KCND2: variants seen among roughly 807,000 people sequenced by gnomAD.
The protein encoded by KCND2 is A-type voltage-gated potassium channel KCND2.
Under a neutral mutation model 54.4 loss-of-function variants are expected in KCND2, and 16 were observed. That is an observed-to-expected ratio of 0.29 (90% CI 0.20 to 0.45). The LOEUF (loss-of-function observed/expected upper bound fraction) is 0.45. Among genes scored for constraint, KCND2 ranks in the 20% least tolerant of loss-of-function variants. The probability of loss-of-function intolerance (pLI) is 1.00; values close to 1 mark genes in which losing one functional copy is unlikely to be tolerated. For missense variants in KCND2, 486 were observed against 824.2 expected, an observed-to-expected ratio of 0.59 and a Z score of 5.02; for synonymous variants, 317 against 310.7, an observed-to-expected ratio of 1.02 and a Z score of -0.21.
chr7:120,594,730 C>T (rs10277086), intron 1 of KCND2, among the ~76,000 whole-genome samples: 5 of 152,042 alleles, frequency 3.3e-5, no homozygotes, highest in Admixed American at 6.5e-5. Context: ...GCATTCATTA[C>T]GAGACTGGAA....
chr7:120,666,727 C>T (rs1791932082), intron 1 of KCND2, among the ~76,000 whole-genome samples: 1 of 151,954 alleles, frequency 6.6e-6, no homozygotes, highest in Non-Finnish European at 1.5e-5. Context: ...AACCACTAGG[C>T]TCCTCCACTG....
intron 1 of KCND2, among the ~76,000 whole-genome samples, chr7:120,394,289 G>C (rs1020948963): frequency 6.6e-6 from 1 of 151,930 alleles, no homozygotes; most frequent in South Asian, 2.1e-4. Flanking sequence ...GGCTGGGGAT[G>C]CAATCATAGG....
chr7:120,361,647 C>T (rs1800594179), intron 1 of KCND2, among the ~76,000 whole-genome samples: 1 of 151,882 alleles, frequency 6.6e-6, no homozygotes, highest in Admixed American at 6.6e-5. Flanking sequence ...AAGGAGAAGG[C>T]CATGATAGAA....
At chr7:120,611,696 G>C (rs1322506164) in intron 1 of KCND2, among the ~76,000 whole-genome samples, 1 of 152,164 alleles carries the variant, frequency 6.6e-6, no homozygotes, top group Non-Finnish European at 1.5e-5. Context: ...CCACGATGAA[G>C]TGAAAAATGG....
At chr7:120,644,958 T>C (rs1793420199) in intron 1 of KCND2, among the ~76,000 whole-genome samples, 1 of 152,224 alleles carries the variant, frequency 6.6e-6, no homozygotes, top group Non-Finnish European at 1.5e-5. Flanking sequence ...TTTTTTTTCC[T>C]ATGAAGTTTT....
At position 120,392,768 on chromosome 7, in the gene KCND2, G is replaced by A. The variant is rs1056349502; in HGVS notation, c.1115+117021G>A. ...TGCTGCCGCCATGTTTGTGCTATAA[G>A]TAGTTAGTTTCCAGGCACAGGGCTA... On this transcript the variant is annotated intron_variant, in intron 1 of 5. Coordinates refer to ENST00000331113, the MANE Select transcript of KCND2 (RefSeq NM_012281.3). Among the ~76,000 whole-genome samples the A allele has an allele frequency of 4.6e-5, 7 of 151,848 alleles. No individual in the cohort carries two copies. The Admixed American group carries it at 4.6e-4, about 10-fold the overall frequency.
chr7:120,530,078 AAAAAT>A (rs1791824175), intron 1 of KCND2, among the ~76,000 whole-genome samples: 1 of 152,150 alleles, frequency 6.6e-6, no homozygotes, highest in African/African-American at 2.4e-5. Context: ...CTTGTCTCAA[AAAAAT>A]AAAAGAGAGA....
At chr7:120,718,002 G>T (rs1218216639) in intron 1 of KCND2, among the ~76,000 whole-genome samples, 1 of 152,004 alleles carries the variant, frequency 6.6e-6, no homozygotes. Flanking sequence ...TTACATAAGT[G>T]GTAGGCAGCA....
intron 1 of KCND2, among the ~76,000 whole-genome samples, chr7:120,437,922 T>C (rs1452796260): frequency 6.6e-6 from 1 of 152,222 alleles, no homozygotes; most frequent in African/African-American, 2.4e-5. Context: ...TGGATGATGC[T>C]CCCTAAAAAC....
intron 1 of KCND2, among the ~76,000 whole-genome samples, chr7:120,370,270 G>A (rs1330822144): frequency 6.6e-6 from 1 of 151,946 alleles, no homozygotes; most frequent in Non-Finnish European, 1.5e-5. Context: ...TAGCAAGAGA[G>A]GAAATCAGAA....
At chr7:120,491,379 A>G (rs1255342884) in intron 1 of KCND2, among the ~76,000 whole-genome samples, 1 of 152,156 alleles carries the variant, frequency 6.6e-6, no homozygotes. Flanking sequence ...ATGTATGATT[A>G]TAGGAATTAT....
chr7:120,643,421 C>G (rs1793401448), intron 1 of KCND2, among the ~76,000 whole-genome samples: 1 of 152,040 alleles, frequency 6.6e-6, no homozygotes, highest in South Asian at 2.1e-4. Context: ...TATATATACT[C>G]AAATGCAAAA....
chr7:120,316,613 G>C (rs1449034649), intron 1 of KCND2, among the ~76,000 whole-genome samples: 2 of 152,028 alleles, frequency 1.3e-5, no homozygotes, highest in African/African-American at 4.8e-5. Flanking sequence ...GTAAATTTTA[G>C]GTTTGCATTT....
chr7:120,460,168 G>T (rs979352192), intron 1 of KCND2, among the ~76,000 whole-genome samples: 3 of 152,086 alleles, frequency 2.0e-5, no homozygotes, highest in Admixed American at 6.6e-5. Context: ...TTATCTCGGG[G>T]TAGACTTGGT....
intron 1 of KCND2, among the ~76,000 whole-genome samples, chr7:120,481,999 CA>C (rs1802614065): frequency 6.6e-6 from 1 of 152,100 alleles, no homozygotes; most frequent in African/African-American, 2.4e-5. Context: ...ATGAGGTCAC[CA>C]ACATGCAACT....
At chr7:120,389,278 A>T (rs1801038452) in intron 1 of KCND2, among the ~76,000 whole-genome samples, 1 of 151,908 alleles carries the variant, frequency 6.6e-6, no homozygotes, top group Admixed American at 6.6e-5. Flanking sequence ...GATATACATG[A>T]TATTTTGATA....
intron 2 of KCND2, among the ~76,000 whole-genome samples, chr7:120,740,254 A>G (rs1792924282): frequency 6.6e-6 from 1 of 152,046 alleles, no homozygotes; most frequent in Non-Finnish European, 1.5e-5. Context: ...GGTCAGAGAC[A>G]ATTGTTTGCA....
chr7:120,334,056 T>A (rs993737860), intron 1 of KCND2, among the ~76,000 whole-genome samples: 10 of 152,188 alleles, frequency 6.6e-5, no homozygotes, highest in African/African-American at 9.7e-5. Flanking sequence ...TACCTTTGTT[T>A]ATGATTTTTA....
At chr7:120,365,041 G>A (rs1800647023) in intron 1 of KCND2, among the ~76,000 whole-genome samples, 1 of 151,946 alleles carries the variant, frequency 6.6e-6, no homozygotes, top group African/African-American at 2.4e-5. Flanking sequence ...GTATAAACAT[G>A]CATTTAAAGA....
Sources: allele counts gnomAD v4.1 joint callset (sites outside exome capture counted in the v4.1 genomes callset), GRCh38; gene constraint gnomAD v4.1.1; transcripts MANE v1.5; gene names NCBI Gene and HGNC (gene_info 2026-07-23, HGNC 2026-07-21).